POU2F1: variants seen among roughly 807,000 people sequenced by gnomAD.
The protein encoded by POU2F1 is POU class 2 homeobox 1, also known as POU domain, class 2, transcription factor 1.
Under a neutral mutation model 84.9 loss-of-function variants are expected in POU2F1, and 16 were observed. The ratio of observed to expected loss-of-function variants is 0.19; its 90% CI spans 0.13 to 0.29. The LOEUF (loss-of-function observed/expected upper bound fraction) is 0.29. Ranked by LOEUF, POU2F1 falls within the 10% of genes least tolerant of loss-of-function variation. POU2F1 has a pLI of 1.00. For missense variants in POU2F1, 738 were observed against 942.6 expected, an observed-to-expected ratio of 0.78 and a Z score of 2.84; for synonymous variants, 368 against 368.3, an observed-to-expected ratio of 1.00 and a Z score of 0.01.
At chr1:167,311,842 G>C (rs183392783) in intron 1 of POU2F1, among the ~76,000 whole-genome samples, 35 of 149,628 alleles carry the variant, frequency 2.3e-4, no homozygotes, top group African/African-American at 8.1e-4. Flanking sequence ...TTGCTCTGTC[G>C]CCTAGGCTGG....
At chr1:167,397,751 G>T (rs990731774) in intron 10 of POU2F1, among the ~76,000 whole-genome samples, 6 of 152,134 alleles carry the variant, frequency 3.9e-5, no homozygotes, top group African/African-American at 1.4e-4. Flanking sequence ...TCACCATTTA[G>T]CCAGGCTGGT....
At chr1:167,274,761 C>G (rs1451925676) in intron 1 of POU2F1, among the ~76,000 whole-genome samples, 1 of 152,136 alleles carries the variant, frequency 6.6e-6, no homozygotes, top group Non-Finnish European at 1.5e-5. Flanking sequence ...GTTTTCTGGA[C>G]AAACCATGAA....
chr1:167,283,047 C>G (rs893964893), intron 1 of POU2F1, among the ~76,000 whole-genome samples: 3 of 152,140 alleles, frequency 2.0e-5, no homozygotes, highest in African/African-American at 7.2e-5. Context: ...GAACATTAAC[C>G]TATTACTATC....
Position 167,425,645 on chromosome 1 carries a change from G to A in POU2F1, c.*9835G>A, listed in dbSNP as rs2101973567. The A allele has an allele frequency of 6.6e-6, 1 of 152,668 alleles. No individual in the cohort carries two copies. The highest frequency in any genetic ancestry group is 1.9e-4 in the East Asian group (1 of 5,206). 9.5% of individuals were successfully genotyped at this position (152,668 alleles called of 1,614,324 possible). On this transcript the variant is annotated 3_prime_UTR_variant, in exon 16 of 16. Transcript: ENST00000367866. ...CCTAGGGAGGGTGGGAGCTGCTGCTGGACTGGCCCGAGGACTCCACAGAGT... is the reference window on the plus strand; with the variant it reads ...CCTAGGGAGGGTGGGAGCTGCTGCTAGACTGGCCCGAGGACTCCACAGAGT...
At chr1:167,262,427 AT>A (rs1438719935) in intron 1 of POU2F1, among the ~76,000 whole-genome samples, 1 of 152,210 alleles carries the variant, frequency 6.6e-6, no homozygotes, top group Non-Finnish European at 1.5e-5. Context: ...TTCAACACTA[AT>A]TTATTCAGTG....
chr1:167,345,603 T>C (rs1249616475), intron 2 of POU2F1, among the ~76,000 whole-genome samples: 1 of 152,156 alleles, frequency 6.6e-6, no homozygotes, highest in African/African-American at 2.4e-5. Flanking sequence ...TGCTACCGTT[T>C]AACTGGCTCA....
At chr1:167,253,247 C>A (rs902498546) in intron 1 of POU2F1, among the ~76,000 whole-genome samples, 3 of 152,080 alleles carry the variant, frequency 2.0e-5, no homozygotes, top group African/African-American at 7.2e-5. Context: ...TTTCATCAGC[C>A]CAAGAGTTTG....
At chr1:167,389,796 T>A in intron 9 of POU2F1, 35 bp downstream of exon 9, 1 of 1,593,334 alleles carries the variant, frequency 6.3e-7, no homozygotes, top group Non-Finnish European at 8.6e-7. Context: ...ATTCCCCTCC[T>A]TGGCTGGGTC....
At chr1:167,285,070 G>A (rs1327187053) in intron 1 of POU2F1, among the ~76,000 whole-genome samples, 2 of 152,104 alleles carry the variant, frequency 1.3e-5, no homozygotes, top group Non-Finnish European at 2.9e-5. Flanking sequence ...AGAGCAATAG[G>A]CTTATTAAGT....
At position 167,314,430 on chromosome 1, in the gene POU2F1, T is replaced by G. The variant is rs564371076; in HGVS notation, c.62-18040T>G. On this transcript the variant is annotated intron_variant, in intron 1 of 15. Coordinates refer to ENST00000367866, the MANE Select transcript of POU2F1 (RefSeq NM_002697.4). The stretch of plus-strand genomic sequence containing the variant: ...GGAGAAGCAGATCTCTCACATTGTT[T>G]GTGGGAATGTAAAGTGTTACAGGTA... Among the ~76,000 whole-genome samples the G allele has an allele frequency of 5.4e-4, 82 of 152,298 alleles. 1 individual carries two copies. The South Asian group carries it at 0.017, about 31-fold the overall frequency.
intron 2 of POU2F1, among the ~76,000 whole-genome samples, chr1:167,363,124 A>G (rs146351921): frequency 1.7e-3 from 264 of 152,272 alleles, no homozygotes; most frequent in African/African-American, 5.7e-3. Flanking sequence ...CTAGACATCA[A>G]TGTCTCTGTT....
intron 1 of POU2F1, among the ~76,000 whole-genome samples, chr1:167,237,492 G>T (rs1649553801): frequency 6.6e-6 from 1 of 151,842 alleles, no homozygotes; most frequent in East Asian, 1.9e-4. Context: ...TCATCTGCCG[G>T]TATGTTATTT....
chr1:167,373,647 T>C (rs1660148371), intron 5 of POU2F1, among the ~76,000 whole-genome samples: 1 of 152,192 alleles, frequency 6.6e-6, no homozygotes, highest in African/African-American at 2.4e-5. Context: ...AGTCATATCT[T>C]TGGACTTAAT....
chr1:167,234,899 T>C (rs958040920), intron 1 of POU2F1, among the ~76,000 whole-genome samples: 1 of 152,242 alleles, frequency 6.6e-6, no homozygotes, highest in Non-Finnish European at 1.5e-5. Flanking sequence ...TTAAACTATT[T>C]CAGTGTTGTC....
intron 1 of POU2F1, among the ~76,000 whole-genome samples, chr1:167,278,300 T>C (rs1652879917): frequency 6.6e-6 from 1 of 152,228 alleles, no homozygotes; most frequent in Non-Finnish European, 1.5e-5. Context: ...TGTAAGATTC[T>C]GTTCTTTTGC....
At chr1:167,278,136 C>T (rs1296965332) in intron 1 of POU2F1, among the ~76,000 whole-genome samples, 2 of 152,158 alleles carry the variant, frequency 1.3e-5, no homozygotes, top group Non-Finnish European at 2.9e-5. Context: ...TTTTTCAAAC[C>T]CTCTGCACTT....
At position 167,281,733 on chromosome 1, in the gene POU2F1, T is replaced by C. The variant is rs1435269811; in HGVS notation, c.62-50737T>C. Among the ~76,000 whole-genome samples, 5 of 152,362 alleles carry C rather than the reference T, an allele frequency of 3.3e-5. No individual in the cohort carries two copies. The East Asian group carries it at 9.6e-4, about 29-fold the overall frequency. On this transcript the variant is annotated intron_variant, in intron 1 of 15. Coordinates refer to ENST00000367866, the MANE Select transcript of POU2F1 (RefSeq NM_002697.4). ...AGTTCACCATGTACAGAAAAACCTT[T>C]AGCCAAACTTAAAATACGTAATGAG...
At chr1:167,238,149 TA>T (rs1447785055) in intron 1 of POU2F1, among the ~76,000 whole-genome samples, 1 of 152,062 alleles carries the variant, frequency 6.6e-6, no homozygotes, top group African/African-American at 2.4e-5. Context: ...TCCCTTAAAT[TA>T]AAAAATTTTT....
chr1:167,367,251 C>G (rs973286291), intron 3 of POU2F1, among the ~76,000 whole-genome samples: 3 of 152,148 alleles, frequency 2.0e-5, no homozygotes, highest in African/African-American at 7.2e-5. Context: ...TGAACCTTTC[C>G]TTACCATAAT....
Sources: allele counts gnomAD v4.1 joint callset (sites outside exome capture counted in the v4.1 genomes callset), GRCh38; gene constraint gnomAD v4.1.1; transcripts MANE v1.5; gene names NCBI Gene and HGNC (gene_info 2026-07-23, HGNC 2026-07-21).